Variants in OPCML observed in about 807,000 individuals in gnomAD.
The protein encoded by OPCML is opioid binding protein/cell adhesion molecule like, also known as opioid-binding protein/cell adhesion molecule.
In OPCML, 13 loss-of-function variants were observed where a neutral mutation model predicts 37.8. The ratio of observed to expected loss-of-function variants is 0.34; its 90% CI spans 0.22 to 0.55. OPCML has a LOEUF of 0.55. Among genes scored for constraint, OPCML ranks in the 20% least tolerant of loss-of-function variants. The probability of loss-of-function intolerance (pLI) is 0.91; values close to 1 mark genes in which losing one functional copy is unlikely to be tolerated. For missense variants in OPCML, 341 were observed against 435.6 expected (o/e 0.78, Z 1.93); for synonymous variants, 176 against 168.8 (o/e 1.04, Z -0.33).
chr11:133,431,320 A>G (rs1946109995), intron 1 of OPCML, among the ~76,000 whole-genome samples: 1 of 152,234 alleles, frequency 6.6e-6, no homozygotes. Context: ...TATGTATTGT[A>G]TGAATCTCAA....
At chr11:133,181,790 C>T (rs548419313) in intron 1 of OPCML, among the ~76,000 whole-genome samples, 2 of 152,286 alleles carry the variant, frequency 1.3e-5, no homozygotes, top group African/African-American at 4.8e-5. Flanking sequence ...CCTTTACTGG[C>T]CACTCTCTCA....
intron 4 of OPCML, among the ~76,000 whole-genome samples, chr11:132,463,368 C>A (rs548471305): frequency 1.7e-4 from 26 of 152,320 alleles, no homozygotes; most frequent in Non-Finnish European, 3.8e-4. Flanking sequence ...CTAGAGTGGG[C>A]GCCTGGACAG....
chr11:132,529,075 T>C lies in OPCML; in HGVS notation c.491A>G (p.His164Arg). Residue 164 changes from histidine (H) to arginine (R), a missense_variant, in exon 4 of 8, where the codon CAC (histidine) becomes CGC (arginine). By Grantham distance (29) the His-to-Arg change is conservative. Coordinates refer to ENST00000524381, the MANE Select transcript of OPCML (RefSeq NM_001012393.5). ...GRPEPTVTWR[H>R]LSVKEGQGFV... ...CAGCACCTTACCCTTGACTGACAGG[T>C]GTCTCCATGTCACAGTTGGCTCTGG... is the stretch of plus-strand genomic sequence containing the variant. The C allele has an allele frequency of 6.2e-7, 1 of 1,611,300 alleles. No homozygotes were observed. Among genetic ancestry groups the C allele is most frequent in the Non-Finnish European group, 8.5e-7 (1 of 1,177,790 alleles).
At chr11:133,007,680 A>G (rs572238378) in intron 1 of OPCML, 1 of 985,450 alleles carries the variant, frequency 1.0e-6, no homozygotes, top group Admixed American at 6.1e-5. Flanking sequence ...AGGCACACAG[A>G]GAGATGAAGA....
At chr11:133,337,061 C>G (rs2136661517) in intron 1 of OPCML, among the ~76,000 whole-genome samples, 1 of 152,252 alleles carries the variant, frequency 6.6e-6, no homozygotes, top group East Asian at 1.9e-4. Context: ...ATCTTAGAGG[C>G]AAAAGAGAAG....
chr11:133,308,097 T>C (rs560734077), intron 1 of OPCML, among the ~76,000 whole-genome samples: 39 of 152,188 alleles, frequency 2.6e-4, no homozygotes, highest in Non-Finnish European at 4.9e-4. Flanking sequence ...AAGGGAGATA[T>C]GGAGAATATT....
intron 1 of OPCML, among the ~76,000 whole-genome samples, chr11:133,123,209 T>C (rs1294894797): frequency 6.6e-6 from 1 of 152,194 alleles, no homozygotes; most frequent in East Asian, 1.9e-4. Context: ...TTATTGATTA[T>C]ATGGTTTGGG....
intron 1 of OPCML, among the ~76,000 whole-genome samples, chr11:132,980,954 C>G (rs1372518469): frequency 6.6e-6 from 1 of 152,196 alleles, no homozygotes; most frequent in Non-Finnish European, 1.5e-5. Flanking sequence ...CATCAGAGAG[C>G]ACTTACACAA....
intron 4 of OPCML, among the ~76,000 whole-genome samples, chr11:132,482,396 A>G (rs2096183899): frequency 6.6e-6 from 1 of 151,836 alleles, no homozygotes. Flanking sequence ...AGAATAGACC[A>G]ATAACAGGAT....
chr11:132,750,214 T>C (rs1945785600), intron 2 of OPCML, among the ~76,000 whole-genome samples: 1 of 152,320 alleles, frequency 6.6e-6, no homozygotes, highest in African/African-American at 2.4e-5. Flanking sequence ...ATAATAGATA[T>C]GTGTCATGGA....
chr11:132,672,437 G>C (rs1472517221), intron 2 of OPCML, among the ~76,000 whole-genome samples: 1 of 152,170 alleles, frequency 6.6e-6, no homozygotes, highest in African/African-American at 2.4e-5. Flanking sequence ...CATTTTCAAA[G>C]ACCATCTCCC....
intron 1 of OPCML, among the ~76,000 whole-genome samples, chr11:133,293,919 C>A (rs1942555472): frequency 6.6e-6 from 1 of 150,772 alleles, no homozygotes; most frequent in African/African-American, 2.4e-5. Flanking sequence ...CACACACACA[C>A]ACACACACAC....
intron 1 of OPCML, among the ~76,000 whole-genome samples, chr11:133,457,336 A>G (rs1946693725): frequency 1.3e-5 from 2 of 152,202 alleles, no homozygotes; most frequent in African/African-American, 4.8e-5. Flanking sequence ...GTTCAAGACT[A>G]GCCTGGGCAG....
At chr11:132,588,291 A>T (rs2096477392) in intron 3 of OPCML, among the ~76,000 whole-genome samples, 1 of 152,180 alleles carries the variant, frequency 6.6e-6, no homozygotes, top group Non-Finnish European at 1.5e-5. Context: ...TGAGCAGATC[A>T]TAGAAACTAG....
intron 2 of OPCML, among the ~76,000 whole-genome samples, chr11:132,828,543 G>T (rs1268070425): frequency 6.8e-6 from 1 of 146,924 alleles, no homozygotes. Context: ...TGCTAAAACA[G>T]CTCTTTTAAA....
rs79010140 is a variant in OPCML, at chr11:133,477,678, G to T, written c.61+54586C>A. On this transcript the variant is annotated intron_variant, in intron 1 of 7. Transcript: ENST00000524381. ...CCTTGGCAGGAAGCACAAACCAGCCGCATGTCCATCACGGGCCAGGCATTC... is the reference window on the plus strand; with the variant it reads ...CCTTGGCAGGAAGCACAAACCAGCCTCATGTCCATCACGGGCCAGGCATTC... Among the ~76,000 whole-genome samples, 7 of 152,288 alleles carry T rather than the reference G, an allele frequency of 4.6e-5. No homozygotes were observed. The South Asian group carries it at 1.5e-3, about 32-fold the overall frequency.
intron 2 of OPCML, among the ~76,000 whole-genome samples, chr11:132,790,370 G>C (rs1937817114): frequency 6.6e-6 from 1 of 152,212 alleles, no homozygotes; most frequent in Non-Finnish European, 1.5e-5. Flanking sequence ...GAGTTGAAAT[G>C]TTCCCAGCAC....
intron 1 of OPCML, among the ~76,000 whole-genome samples, chr11:133,141,896 C>T (rs1323463030): frequency 6.6e-6 from 1 of 152,212 alleles, no homozygotes; most frequent in Non-Finnish European, 1.5e-5. Flanking sequence ...CGCTCTGTCT[C>T]ATCCATCTTT....
At chr11:132,544,924 G>A (rs538295821) in intron 3 of OPCML, among the ~76,000 whole-genome samples, 7 of 152,226 alleles carry the variant, frequency 4.6e-5, no homozygotes, top group South Asian at 2.1e-4. Context: ...GGAAAGGACC[G>A]CCCCATTCCA....
Sources: gnomAD v4.1 joint callset for allele counts (sites outside exome capture counted in the v4.1 genomes callset) on GRCh38, gnomAD v4.1.1 for gene constraint, MANE v1.5 for transcripts, NCBI Gene and HGNC (gene_info 2026-07-23, HGNC 2026-07-21) for gene names.